Variants in KCNA3 observed in about 807,000 individuals in gnomAD.
The protein encoded by KCNA3 is RP11-284N8.3.
KCNA3 carries 18 observed loss-of-function variants against 34.3 expected under a neutral mutation model. The ratio of observed to expected loss-of-function variants is 0.52; its 90% confidence interval spans 0.36 to 0.78. KCNA3 has a LOEUF of 0.78. Ranked by LOEUF, KCNA3 falls within the 30% of genes least tolerant of loss-of-function variation. KCNA3 has a pLI of 0.00. For synonymous variants in KCNA3, 324 were observed against 351.7 expected, an observed-to-expected ratio of 0.92 and a Z score of 0.88; for missense variants, 587 against 802.5, an observed-to-expected ratio of 0.73 and a Z score of 3.24.
In KCNA3 at chr1:110,674,014, G is replaced by T. The variant is rs1355260892; in HGVS notation, c.796C>A (p.Pro266Thr). The T allele has an allele frequency of 4.3e-6, 7 of 1,611,426 alleles. No individual in the cohort carries two copies. The Admixed American group carries it at 1.2e-4, about 27-fold the overall frequency. Reference protein sequence around the residue: ...LPEFRDEKDYPASTSQDSFEA... With the variant: ...LPEFRDEKDYTASTSQDSFEA... ...AATGAGTCCTGCGACGTCGAGGCGGGGTAGTCCTTCTCGTCGCGGAACTCC... is the reference window on the plus strand; with the variant it reads ...AATGAGTCCTGCGACGTCGAGGCGGTGTAGTCCTTCTCGTCGCGGAACTCC... The change falls in exon 1 of 1, where the codon CCC becomes ACC. Residue 266 changes from proline (P) to threonine (T), a missense_variant. Around this residue, in one of 7 missense-constraint regions of KCNA3, gnomAD observed 50 missense variants for 45.3 expected, o/e 1.10. Transcript: ENST00000369769. This position sits in a 1 kb window ranked among gnomAD's most constrained non-coding sequence, Gnocchi z 6.4.
chr1:110,657,045 CTTTTTTTTT>C, the KCNA3 span: 2 of 121,802 alleles, frequency 1.6e-5, no homozygotes, highest in Admixed American at 1.8e-4. Flanking sequence ...CTTAAGTTTT[CTTTTTTTTT>C]TTTTTTTTTT....
chr1:110,662,655 T>A, the KCNA3 span, among the ~76,000 whole-genome samples: 1 of 152,104 alleles, frequency 6.6e-6, no homozygotes, highest in African/African-American at 2.4e-5. Flanking sequence ...AATTATGTAC[T>A]CTCAGCAAGC....
chr1:110,673,633 C>T lies in KCNA3; in HGVS notation c.1177G>A (p.Ala393Thr). The change falls in exon 1 of 1, where the codon GCG becomes ACG. Residue 393 changes from alanine to threonine, a missense_variant. Ala to Thr is a moderately conservative substitution (Grantham distance 58). Transcript: ENST00000369769. This position sits in a 1 kb window ranked among gnomAD's most constrained non-coding sequence, Gnocchi z 8.8. ...AGCAATCCCAGCTCCCGCATGGACGCCTTCAGCGTTTGCCCGAGGATCTGC... is the reference window on the plus strand; with the variant it reads ...AGCAATCCCAGCTCCCGCATGGACGTCTTCAGCGTTTGCCCGAGGATCTGC... ...GLQILGQTLKASMRELGLLIF... is the reference protein window; with the variant it reads ...GLQILGQTLKTSMRELGLLIF... The T allele has an allele frequency of 6.2e-7, 1 of 1,614,176 alleles. No homozygotes were observed. Among genetic ancestry groups the T allele is most frequent in the Non-Finnish European group, 8.5e-7 (1 of 1,180,026 alleles).
At chr1:110,664,167 C>A in the KCNA3 span, among the ~76,000 whole-genome samples, 1 of 152,094 alleles carries the variant, frequency 6.6e-6, no homozygotes, top group Non-Finnish European at 1.5e-5. Flanking sequence ...GATAGATAAG[C>A]CTTTTGTAGA....
chr1:110,656,293 A>G, the KCNA3 span: 2 of 152,206 alleles, frequency 1.3e-5, no homozygotes, highest in African/African-American at 2.4e-5. Flanking sequence ...ATTTAAAGCC[A>G]AGGTCAAAAT....
In KCNA3 at chr1:110,673,302, C is replaced by G. The variant is rs778296995; in HGVS notation, c.1508G>C (p.Gly503Ala). The change falls in exon 1 of 1, where the codon GGA becomes GCA. Residue 503 changes from glycine (G) to alanine (A), a missense_variant. This residue lies in a region of KCNA3 where 95 missense variants were observed against 107.3 expected (regional missense o/e 0.89). Coordinates refer to ENST00000369769, the MANE Select transcript of KCNA3 (RefSeq NM_002232.5). This position sits in a 1 kb window ranked among gnomAD's most constrained non-coding sequence, Gnocchi z 8.8. ...GEEQSQYMHVGSCQHLSSSAE... is the reference protein window; with the variant it reads ...GEEQSQYMHVASCQHLSSSAE... The stretch of plus-strand genomic sequence containing the variant: ...TGAAGAGGAGAGGTGCTGGCAACTT[C>G]CCACGTGCATGTACTGGGATTGCTC... 4.3e-6 allele frequency: 7 copies of G among 1,614,056 alleles called. No homozygotes were observed. The South Asian group carries it at 7.7e-5, about 18-fold the overall frequency.
chr1:110,655,556 A>G, the KCNA3 span: 1 of 152,192 alleles, frequency 6.6e-6, no homozygotes, highest in Non-Finnish European at 1.5e-5. Flanking sequence ...AGATCACAGT[A>G]ATACATAAGC....
chr1:110,672,863 T>G lies in KCNA3; in HGVS notation c.*219A>C. On this transcript the variant is annotated 3_prime_UTR_variant, in exon 1 of 1. Transcript: ENST00000369769. The stretch of plus-strand genomic sequence containing the variant: ...GTTTACAATGTTAAGAGAGAGAGGG[T>G]AAGAGGGAAAAGGAGAGCTGAGAGA... 2 of 540,996 alleles carry G rather than the reference T, an allele frequency of 3.7e-6. No individual in the cohort carries two copies. Among genetic ancestry groups the G allele is most frequent in the Admixed American group, 3.4e-5 (1 of 29,646 alleles). 33.5% of individuals were successfully genotyped at this position (540,996 alleles called of 1,614,324 possible).
the KCNA3 span, among the ~76,000 whole-genome samples, chr1:110,660,146 C>T: frequency 0.097 from 14,737 of 152,104 alleles, 768 homozygotes; most frequent in South Asian, 0.17. Context: ...TTTTTAAAAA[C>T]TGTTACCCTG....
chr1:110,666,560 C>T, the KCNA3 span, among the ~76,000 whole-genome samples: 1 of 152,136 alleles, frequency 6.6e-6, no homozygotes, highest in African/African-American at 2.4e-5. Context: ...ATCCTAAAAA[C>T]AAGAAGACCC....
chr1:110,672,115 G>C (rs549784625), downstream of KCNA3, among the ~76,000 whole-genome samples: 31 of 152,310 alleles, frequency 2.0e-4, no homozygotes, highest in Admixed American at 1.2e-3. Flanking sequence ...GAAACGGCAG[G>C]GGCTGGGAGG....
In KCNA3 at chr1:110,672,817, G is replaced by T; in HGVS notation, c.*265C>A. 5.0e-6 allele frequency: 2 copies of T among 399,920 alleles called. No homozygotes were observed. The highest frequency in any genetic ancestry group is 4.5e-6 in the Non-Finnish European group (1 of 224,042). 24.8% of individuals were successfully genotyped at this position (399,920 alleles called of 1,614,324 possible). ...TTTAAATAGGGCGTGTACTAGAAAT[G>T]AAGTTTAACGTAAGTCTGTTGTTTA... On this transcript the variant is annotated 3_prime_UTR_variant, in exon 1 of 1. Transcript: ENST00000369769.
the KCNA3 span, among the ~76,000 whole-genome samples, chr1:110,662,131 AAAAAAT>A: frequency 6.6e-6 from 1 of 150,436 alleles, no homozygotes; most frequent in African/African-American, 2.4e-5. Flanking sequence ...AAAAAAAAAA[AAAAAAT>A]TCAGAATGTC....
the KCNA3 span, among the ~76,000 whole-genome samples, chr1:110,662,202 G>A: frequency 2.7e-5 from 4 of 150,854 alleles, no homozygotes; most frequent in Non-Finnish European, 5.9e-5. Flanking sequence ...ACCCAAAATC[G>A]ATTCTATAAA....
chr1:110,673,344 C>T lies in KCNA3; in HGVS notation c.1466G>A (p.Arg489Gln). ...IVSNFNYFYH[R>Q]ETEGEEQSQY... ...GGATTGCTCTTCCCCTTCTGTCTCCCGGTGGTAGAAGTAATTGAAGTTGGA... is the reference window on the plus strand; with the variant it reads ...GGATTGCTCTTCCCCTTCTGTCTCCTGGTGGTAGAAGTAATTGAAGTTGGA... The change falls in exon 1 of 1, where the codon CGG (arginine) becomes CAG (glutamine). Residue 489 changes from arginine (R) to glutamine (Q), a missense_variant. By Grantham distance (43) the Arg-to-Gln change is conservative. Coordinates refer to ENST00000369769, the MANE Select transcript of KCNA3 (RefSeq NM_002232.5). This position sits in a 1 kb window ranked among gnomAD's most constrained non-coding sequence, Gnocchi z 8.8. 6.2e-7 allele frequency: 1 copy of T among 1,614,094 alleles called. No individual in the cohort carries two copies. Among genetic ancestry groups the T allele is most frequent in the South Asian group, 1.1e-5 (1 of 91,064 alleles).
chr1:110,673,242 G>A lies in KCNA3; in HGVS notation c.1568C>T (p.Thr523Ile), dbSNP rs764074157. ...CACCATATACTCCGACTTACTCAGA[G>A]TCGAGTTACTCCTTGCTTTTCGGAG... The part of the protein sequence containing the change: ...EELRKARSNS[T>I]LSKSEYMVIE... Residue 523 changes from threonine to isoleucine, a missense_variant, in exon 1 of 1, where the codon ACT becomes ATT. This residue lies in a region of KCNA3 where 95 missense variants were observed against 107.3 expected (regional missense o/e 0.89). Coordinates refer to ENST00000369769, the MANE Select transcript of KCNA3 (RefSeq NM_002232.5). The surrounding 1 kb of genome is among the most constrained non-coding windows in gnomAD (Gnocchi z 8.8). The A allele has an allele frequency of 1.9e-6, 3 of 1,614,090 alleles. No homozygotes were observed. The highest frequency in any genetic ancestry group is 2.2e-5 in the East Asian group (1 of 44,880).
rs1357057125 is a variant in KCNA3, at chr1:110,674,106, C to G, written c.704G>C (p.Gly235Ala). 1.2e-6 allele frequency: 2 copies of G among 1,610,396 alleles called. No individual in the cohort carries two copies. The highest frequency in any genetic ancestry group is 2.7e-5 in the African/African-American group (2 of 74,806). The change falls in exon 1 of 1, where the codon GGC (glycine) becomes GCC (alanine). Residue 235 changes from glycine (G) to alanine (A), a missense_variant. Gly to Ala is a moderately conservative substitution (Grantham distance 60). This residue lies in a region of KCNA3 where 341 missense variants were observed against 355.4 expected (regional missense o/e 0.96). Coordinates refer to ENST00000369769, the MANE Select transcript of KCNA3 (RefSeq NM_002232.5). This position sits in a 1 kb window ranked among gnomAD's most constrained non-coding sequence, Gnocchi z 6.4. ...EYPESSGPARGIAIVSVLVIL... is the reference protein window; with the variant it reads ...EYPESSGPARAIAIVSVLVIL... ...GACCAGCACGGACACGATGGCGATG[C>G]CCCGGGCCGGCCCGGAGCTCTCGGG...
At position 110,672,513 on chromosome 1, in the gene KCNA3, G is replaced by A. The variant is rs1159445858; in HGVS notation, c.*569C>T. Reference sequence around the variant, plus strand: ...AAGTTGTAGAGACACTTAAAATTCCGGGAAAGGGGATTCAAATAGGAATTT... The same window carrying A: ...AAGTTGTAGAGACACTTAAAATTCCAGGAAAGGGGATTCAAATAGGAATTT... On this transcript the variant is annotated 3_prime_UTR_variant, in exon 1 of 1. Transcript: ENST00000369769. 5 of 152,710 alleles carry A rather than the reference G, an allele frequency of 3.3e-5. No homozygotes were observed. Among genetic ancestry groups the A allele is most frequent in the Non-Finnish European group, 1.5e-5 (1 of 68,218 alleles). 9.5% of individuals were successfully genotyped at this position (152,710 alleles called of 1,614,324 possible).
At chr1:110,669,870 G>GT (rs1254096734), downstream of KCNA3, among the ~76,000 whole-genome samples, 5 of 152,086 alleles carry the variant, frequency 3.3e-5, no homozygotes. Context: ...GATTACTTGT[G>GT]TATTTCATAT....
Sources: gnomAD v4.1 joint callset for allele counts (sites outside exome capture counted in the v4.1 genomes callset) on GRCh38, gnomAD v4.1.1 for gene constraint, gnomAD v4.1.1 regional missense constraint, Gnocchi (gnomAD v3.1) non-coding constraint, MANE v1.5 for transcripts, NCBI Gene and HGNC (gene_info 2026-07-23, HGNC 2026-07-21) for gene names.